ARMH4: variants seen among roughly 807,000 people sequenced by gnomAD.
The protein encoded by ARMH4 is armadillo-like helical domain-containing protein 4.
In ARMH4, 49 loss-of-function variants were observed where a neutral mutation model predicts 61.9. The ratio of observed to expected loss-of-function variants is 0.79; its 90% CI spans 0.63 to 1.00. The LOEUF (loss-of-function observed/expected upper bound fraction) is 1.00, where lower values mean the gene tolerates loss of function less well. Among genes scored for constraint, ARMH4 ranks in the 50% least tolerant of loss-of-function variants. The pLI is 0.00. For synonymous variants in ARMH4, 368 were observed against 341.5 expected (o/e 1.08, Z -0.85); for missense variants, 934 against 930.0 (o/e 1.00, Z -0.06).
chr14:58,133,130 T>A lies in ARMH4; in HGVS notation c.1581A>T (p.Thr527=). ...TAACTTCAAAAGACAAAGGGACGAC[T>A]GTAGTTGAAATTGTAGTGGCCAGAG... ...WEPLATTIST[T]VVPLSFEVTP... The change falls in exon 3 of 8, where the codon ACA becomes ACT. Residue 527 remains threonine, a synonymous_variant. Coordinates refer to ENST00000267485, the MANE Select transcript of ARMH4 (RefSeq NM_001001872.4). The A allele has an allele frequency of 1.2e-6, 2 of 1,614,114 alleles. No individual in the cohort carries two copies. Among genetic ancestry groups the A allele is most frequent in the Non-Finnish European group, 1.7e-6 (2 of 1,180,030 alleles).
chr14:58,147,244 T>C (rs1887764119), intron 1 of ARMH4, among the ~76,000 whole-genome samples: 2 of 152,292 alleles, frequency 1.3e-5, no homozygotes, highest in Admixed American at 6.5e-5. Context: ...TGGATAGTTA[T>C]TTTAAATGCC....
chr14:58,112,368 AT>A, intron 4 of ARMH4, among the ~76,000 whole-genome samples: 1 of 141,820 alleles, frequency 7.1e-6, no homozygotes, highest in Non-Finnish European at 1.5e-5. Context: ...TGCCTACTGC[AT>A]TTTTTCAGCT....
intron 2 of ARMH4, among the ~76,000 whole-genome samples, chr14:58,135,166 A>G (rs1887262995): frequency 6.6e-6 from 1 of 152,162 alleles, no homozygotes; most frequent in Non-Finnish European, 1.5e-5. Flanking sequence ...GGATTAATAT[A>G]CCTGGTTACA....
rs62640395 is a variant in ARMH4 at position 58,096,953 on chromosome 14, A to G, written c.1860T>C (p.Asp620=). Residue 620 remains aspartate, a synonymous_variant, in exon 5 of 8, where the codon GAT becomes GAC. Transcript: ENST00000267485. ...CCTCTTCTTCATCTTCATCTTCTTC[A>G]TCCTCTTCATCCTCATCTTCTTGTC... is the stretch of plus-strand genomic sequence containing the variant. The part of the protein sequence containing the change: ...EEGQEDEDEE[D]EEDEDEEEED... 13,052 of 1,613,464 alleles carry G rather than the reference A, an allele frequency of 8.1e-3. 678 individuals are homozygous for G. The African/African-American group carries it at 0.13, about 16-fold the overall frequency.
intron 6 of ARMH4, among the ~76,000 whole-genome samples, chr14:58,008,078 A>T (rs1882249823): frequency 6.6e-6 from 1 of 152,194 alleles, no homozygotes; most frequent in African/African-American, 2.4e-5. Context: ...TTGTTGAAAA[A>T]ACTGAAATAT....
intron 5 of ARMH4, 77 bp downstream of exon 5, chr14:58,096,647 A>C (rs1367476985): frequency 1.7e-5 from 26 of 1,491,084 alleles, no homozygotes; most frequent in Non-Finnish European, 2.3e-5. Context: ...AATAGATGGC[A>C]ATGAAAGAAG....
At chr14:58,143,356 G>A (rs1887627826) in intron 1 of ARMH4, among the ~76,000 whole-genome samples, 1 of 152,192 alleles carries the variant, frequency 6.6e-6, no homozygotes, top group African/African-American at 2.4e-5. Flanking sequence ...CAAACAATCT[G>A]CAAGGATAAT....
chr14:58,115,579 C>A (rs1307181829), intron 4 of ARMH4, among the ~76,000 whole-genome samples: 1 of 152,034 alleles, frequency 6.6e-6, no homozygotes, highest in Non-Finnish European at 1.5e-5. Context: ...TGGGTATACA[C>A]CTAAAAAAAA....
intron 5 of ARMH4, among the ~76,000 whole-genome samples, chr14:58,075,077 G>A (rs1403801891): frequency 6.6e-6 from 1 of 152,138 alleles, no homozygotes; most frequent in Non-Finnish European, 1.5e-5. Flanking sequence ...TTAGAATGGC[G>A]ATCATTAAAA....
At chr14:58,014,047 A>AGAAC (rs1318326225) in intron 5 of ARMH4, among the ~76,000 whole-genome samples, 5 of 151,224 alleles carry the variant, frequency 3.3e-5, no homozygotes, top group African/African-American at 1.2e-4. Flanking sequence ...AAAGAAAGAA[A>AGAAC]GTCATTGGAA....
intron 5 of ARMH4, among the ~76,000 whole-genome samples, chr14:58,088,932 GCCTCACC>G (rs2141252622): frequency 6.6e-6 from 1 of 152,254 alleles, no homozygotes; most frequent in East Asian, 1.9e-4. Context: ...AACAGAAGCT[GCCTCACC>G]CCTGGGGCAC....
chr14:58,138,074 C>A lies in ARMH4; in HGVS notation c.1285G>T (p.Asp429Tyr). 6.2e-7 allele frequency: 1 copy of A among 1,614,166 alleles called. No individual in the cohort carries two copies. The highest frequency in any genetic ancestry group is 1.1e-5 in the South Asian group (1 of 91,062). The change falls in exon 2 of 8, where the codon GAT (aspartate) becomes TAT (tyrosine). Residue 429 changes from aspartate (D) to tyrosine (Y), a missense_variant. By Grantham distance (160) the Asp-to-Tyr change is radical (BLOSUM62 -3). Coordinates refer to ENST00000267485, the MANE Select transcript of ARMH4 (RefSeq NM_001001872.4). ...GDFTESTKEN[D>Y]ALFFLETTVS... is the part of the protein sequence containing the mutation. ...GTGGTTTCTAAGAAAAACAGGGCAT[C>A]GTTTTCCTTGGTGGATTCCGTGAAG...
chr14:58,082,033 C>G (rs1412403830), intron 5 of ARMH4, among the ~76,000 whole-genome samples: 1 of 151,818 alleles, frequency 6.6e-6, no homozygotes, highest in Non-Finnish European at 1.5e-5. Flanking sequence ...AAGTGAAAAA[C>G]TCTCATCAAT....
intron 5 of ARMH4, among the ~76,000 whole-genome samples, chr14:58,077,617 A>C (rs1885089893): frequency 6.6e-6 from 1 of 152,162 alleles, no homozygotes; most frequent in Admixed American, 6.5e-5. Context: ...AAAAGAAAAG[A>C]GAGAGAGAGA....
chr14:58,021,913 T>A (rs959743061), intron 5 of ARMH4, among the ~76,000 whole-genome samples: 1 of 152,200 alleles, frequency 6.6e-6, no homozygotes, highest in African/African-American at 2.4e-5. Context: ...CTAGGAGCCA[T>A]CTGCAACCAA....
At chr14:58,072,500 C>G (rs550683122) in intron 5 of ARMH4, among the ~76,000 whole-genome samples, 6 of 152,050 alleles carry the variant, frequency 3.9e-5, no homozygotes, top group Admixed American at 6.6e-5. Context: ...GGGTGGATCA[C>G]CTGAGGTCAG....
rs1025513040 is a variant in ARMH4 at position 58,003,663 on chromosome 14, C to A, written c.*1073G>T. 6.6e-6 allele frequency: 1 copy of A among 152,150 alleles called. No homozygotes were observed. The highest frequency in any genetic ancestry group is 1.5e-5 in the Non-Finnish European group (1 of 68,034). 9.4% of individuals were successfully genotyped at this position (152,150 alleles called of 1,614,324 possible). ...TGAACATATTTCAATATCCTCATAG[C>A]GGGGTGCCCTGAGAGAGGCTGGTTT... On this transcript the variant is annotated 3_prime_UTR_variant, in exon 8 of 8. Coordinates refer to ENST00000267485, the MANE Select transcript of ARMH4 (RefSeq NM_001001872.4).
intron 5 of ARMH4, among the ~76,000 whole-genome samples, chr14:58,070,495 A>G (rs1884849900): frequency 6.6e-6 from 1 of 152,242 alleles, no homozygotes; most frequent in Admixed American, 6.5e-5. Context: ...GGCTCCTCCC[A>G]GAATATTACA....
At chr14:58,042,929 C>CT (rs1315526651) in intron 5 of ARMH4, among the ~76,000 whole-genome samples, 2 of 152,084 alleles carry the variant, frequency 1.3e-5, no homozygotes, top group Non-Finnish European at 2.9e-5. Flanking sequence ...GACAACTTCT[C>CT]TATTACAGGC....
Sources: allele counts gnomAD v4.1 joint callset (sites outside exome capture counted in the v4.1 genomes callset), GRCh38; gene constraint gnomAD v4.1.1; transcripts MANE v1.5; gene names NCBI Gene and HGNC (gene_info 2026-07-23, HGNC 2026-07-21).